The following FGGY variants were observed in gnomAD, a reference collection of about 807,000 sequenced individuals.
FGGY encodes the protein FGGY carbohydrate kinase domain-containing protein.
Under a neutral mutation model 71.3 loss-of-function variants are expected in FGGY, and 72 were observed. That is an observed-to-expected ratio of 1.01 (90% CI 0.84 to 1.23). The LOEUF (loss-of-function observed/expected upper bound fraction) is 1.23. FGGY is among the 50% of genes most tolerant of loss of function. The pLI is 0.00. For missense variants in FGGY, 668 were observed against 682.3 expected, an observed-to-expected ratio of 0.98 and a Z score of 0.23; for synonymous variants, 251 against 250.3, an observed-to-expected ratio of 1.00 and a Z score of -0.02.
chr1:59,433,479 A>G (rs937661678), intron 5 of FGGY, among the ~76,000 whole-genome samples: 3 of 152,118 alleles, frequency 2.0e-5, no homozygotes, highest in East Asian at 1.9e-4. Context: ...GGTGGCTGCA[A>G]TGATCTCAGT....
In FGGY at chr1:59,524,021, C is replaced by T. The variant is rs535955811; in HGVS notation, c.799+11582C>T. ...AGGCACATCTGCAGCCGCCCAGCTG[C>T]GGCTCTGGACCTGGGCATCCCTACG... On this transcript the variant is annotated intron_variant, in intron 7 of 15. Coordinates refer to ENST00000303721, the MANE Select transcript of FGGY (RefSeq NM_018291.5). Among the ~76,000 whole-genome samples the T allele has an allele frequency of 2.7e-3, 416 of 152,342 alleles. 2 individuals are homozygous for T. Among genetic ancestry groups the T allele is most frequent in the African/African-American group, 9.4e-3 (392 of 41,584 alleles).
intron 8 of FGGY, among the ~76,000 whole-genome samples, chr1:59,578,298 A>G (rs375810754): frequency 1.3e-5 from 2 of 152,106 alleles, no homozygotes; most frequent in African/African-American, 2.4e-5. Flanking sequence ...TGGGCAGACC[A>G]CTGGACGGAG....
At chr1:59,424,234 T>A (rs1388940013) in intron 5 of FGGY, among the ~76,000 whole-genome samples, 6 of 152,196 alleles carry the variant, frequency 3.9e-5, no homozygotes, top group Non-Finnish European at 8.8e-5. Flanking sequence ...CACAGCCCAT[T>A]TGAGAAGTAG....
At chr1:59,558,222 A>C (rs946173240) in intron 8 of FGGY, among the ~76,000 whole-genome samples, 3 of 152,214 alleles carry the variant, frequency 2.0e-5, no homozygotes, top group African/African-American at 7.2e-5. Flanking sequence ...TGATATTGTT[A>C]TTAAAAATGA....
At chr1:59,751,977 AAGGGAGTGCCAT>A (rs1198009342) in intron 14 of FGGY, among the ~76,000 whole-genome samples, 1 of 152,204 alleles carries the variant, frequency 6.6e-6, no homozygotes, top group Non-Finnish European at 1.5e-5. Context: ...GAGGACATAT[AAGGGAGTGCCAT>A]AGGGCCATCC....
chr1:59,354,857 T>C (rs528902314), intron 4 of FGGY, among the ~76,000 whole-genome samples: 2 of 152,140 alleles, frequency 1.3e-5, no homozygotes, highest in East Asian at 1.9e-4. Flanking sequence ...GCATAGCGAG[T>C]GTGGGCCTCT....
At chr1:59,699,263 G>A (rs1464594545) in intron 14 of FGGY, 2 of 985,060 alleles carry the variant, frequency 2.0e-6, no homozygotes, top group African/African-American at 1.7e-5. Flanking sequence ...CTTGGGGTGA[G>A]CCTTTGAGTT....
intron 14 of FGGY, among the ~76,000 whole-genome samples, chr1:59,694,175 G>A (rs957127836): frequency 5.3e-5 from 8 of 151,514 alleles, no homozygotes; most frequent in African/African-American, 9.7e-5. Flanking sequence ...TGTCGTCCCA[G>A]CTACTCGGGA....
At chr1:59,576,673 GACAGACAC>G (rs1473906633) in intron 8 of FGGY, among the ~76,000 whole-genome samples, 316 of 132,386 alleles carry the variant, frequency 2.4e-3, no homozygotes, top group Admixed American at 6.0e-3. Context: ...CAGACAGACA[GACAGACAC>G]ACACACACAC....
At chr1:59,593,433 C>T (rs545226348) in intron 8 of FGGY, among the ~76,000 whole-genome samples, 11 of 152,340 alleles carry the variant, frequency 7.2e-5, no homozygotes, top group Admixed American at 2.0e-4. Context: ...ACATCTGCTC[C>T]GTGGCTGCCT....
intron 14 of FGGY, among the ~76,000 whole-genome samples, chr1:59,677,748 T>C (rs1165762672): frequency 1.3e-5 from 2 of 152,184 alleles, no homozygotes; most frequent in Non-Finnish European, 2.9e-5. Flanking sequence ...AATGAAAGAT[T>C]GGCCAACAAC....
intron 5 of FGGY, among the ~76,000 whole-genome samples, chr1:59,392,375 C>G (rs1571520614): frequency 6.6e-6 from 1 of 152,140 alleles, no homozygotes. Flanking sequence ...TCACAAGATA[C>G]AGAAGTGGTG....
chr1:59,706,367 G>T (rs184001520), intron 14 of FGGY, among the ~76,000 whole-genome samples: 31 of 152,300 alleles, frequency 2.0e-4, no homozygotes, highest in Admixed American at 2.0e-3. Context: ...CTGGCTGTAA[G>T]ATGAGAGTGC....
intron 5 of FGGY, among the ~76,000 whole-genome samples, chr1:59,443,982 C>T (rs1312151149): frequency 6.6e-6 from 1 of 152,142 alleles, no homozygotes; most frequent in South Asian, 2.1e-4. Flanking sequence ...AGGCTGAGAT[C>T]AAGCCTCAGG....
chr1:59,663,955 A>G (rs2097300912), intron 12 of FGGY, among the ~76,000 whole-genome samples: 1 of 152,178 alleles, frequency 6.6e-6, no homozygotes, highest in Admixed American at 6.5e-5. Context: ...GCTGTTTTGT[A>G]GGGGTGAAAT....
At chr1:59,534,172 T>C (rs2095247370) in intron 7 of FGGY, among the ~76,000 whole-genome samples, 1 of 151,858 alleles carries the variant, frequency 6.6e-6, no homozygotes, top group South Asian at 2.1e-4. Context: ...GCTCGAGAAC[T>C]ACGTGAAGAA....
intron 9 of FGGY, among the ~76,000 whole-genome samples, chr1:59,619,593 A>G (rs1408500530): frequency 6.6e-6 from 1 of 152,054 alleles, no homozygotes; most frequent in African/African-American, 2.4e-5. Flanking sequence ...TATTATGGGA[A>G]TAGCAACAAG....
At chr1:59,494,176 C>G (rs945755855) in intron 6 of FGGY, among the ~76,000 whole-genome samples, 1 of 152,122 alleles carries the variant, frequency 6.6e-6, no homozygotes, top group Non-Finnish European at 1.5e-5. Context: ...ATCACATTAC[C>G]ATGTGAGATG....
At chr1:59,394,449 A>C (rs2153386156) in intron 5 of FGGY, among the ~76,000 whole-genome samples, 1 of 152,248 alleles carries the variant, frequency 6.6e-6, no homozygotes, top group Non-Finnish European at 1.5e-5. Context: ...CCTGGGACTT[A>C]TTGTGTGACC....
Sources: gnomAD v4.1 joint callset for allele counts (sites outside exome capture counted in the v4.1 genomes callset) on GRCh38, gnomAD v4.1.1 for gene constraint, MANE v1.5 for transcripts, NCBI Gene and HGNC (gene_info 2026-07-23, HGNC 2026-07-21) for gene names.